AUTS2: variants seen among roughly 807,000 people sequenced by gnomAD.
AUTS2 encodes the protein activator of transcription and developmental regulator AUTS2.
AUTS2 carries 17 observed loss-of-function variants against 112.4 expected under a neutral mutation model. The observed-to-expected ratio is 0.15, with a 90% CI of 0.10 to 0.23. AUTS2 has a LOEUF of 0.23. AUTS2 is among the 10% of genes least tolerant of loss of function. The probability of loss-of-function intolerance (pLI) is 1.00; values close to 1 mark genes in which losing one functional copy is unlikely to be tolerated. For synonymous variants in AUTS2, 751 were observed against 702.7 expected (o/e 1.07, Z -1.09); for missense variants, 1,510 against 1,701.6 (o/e 0.89, Z 1.98).
rs3974587 is a variant in AUTS2 at position 70,511,561 on chromosome 7, C to CTTTTTTTTTTT, written c.690+75799_690+75809dup. On this transcript the variant is annotated intron_variant, in intron 5 of 18. Transcript: ENST00000342771. ...TTCATTTTAAACTTTTTTTCATTTT[C>CTTTTTTTTTTT]TTTTTTTTTTTTTTTTTTTTTTTTT... Among the ~76,000 whole-genome samples, 115 of 70,130 alleles carry CTTTTTTTTTTT rather than the reference C, an allele frequency of 1.6e-3. 4 individuals are homozygous for CTTTTTTTTTTT. Among genetic ancestry groups the CTTTTTTTTTTT allele is most frequent in the Non-Finnish European group, 2.1e-3 (83 of 39,296 alleles). 46.0% of individuals were successfully genotyped at this position (70,130 alleles called of 152,430 possible).
At chr7:69,682,479 C>T (rs1796842893) in intron 1 of AUTS2, among the ~76,000 whole-genome samples, 1 of 152,186 alleles carries the variant, frequency 6.6e-6, no homozygotes, top group Admixed American at 6.5e-5. Flanking sequence ...CATTTTCTAG[C>T]TGTGTAATCC....
At chr7:70,531,592 G>T (rs150438152) in intron 5 of AUTS2, among the ~76,000 whole-genome samples, 265 of 152,184 alleles carry the variant, frequency 1.7e-3, no homozygotes, top group African/African-American at 6.0e-3. Context: ...AAGGGCTTGG[G>T]GGTGGGGTTC....
intron 5 of AUTS2, among the ~76,000 whole-genome samples, chr7:70,647,194 CTG>C (rs1806217256): frequency 6.6e-6 from 1 of 152,220 alleles, no homozygotes. Flanking sequence ...AAACTCAAAT[CTG>C]TGCCCATTCC....
At chr7:69,791,018 C>G (rs1789586711) in intron 1 of AUTS2, among the ~76,000 whole-genome samples, 1 of 152,108 alleles carries the variant, frequency 6.6e-6, no homozygotes, top group Non-Finnish European at 1.5e-5. Flanking sequence ...TGAAACCTAC[C>G]CCAGTTTTCT....
intron 4 of AUTS2, among the ~76,000 whole-genome samples, chr7:70,277,948 GTATGTA>G (rs1226651753): frequency 4.2e-5 from 6 of 141,758 alleles, no homozygotes; most frequent in African/African-American, 1.1e-4. Context: ...GTGTGTGTGT[GTATGTA>G]TGTATGTGTG....
chr7:70,776,743 C>T (rs763975694), intron 13 of AUTS2: 5 of 348,616 alleles, frequency 1.4e-5, no homozygotes, highest in Non-Finnish European at 2.2e-5. Flanking sequence ...AGCATGGCAA[C>T]ATTTGTTAAG....
At chr7:69,786,590 A>C (rs1789387178) in intron 1 of AUTS2, among the ~76,000 whole-genome samples, 1 of 152,092 alleles carries the variant, frequency 6.6e-6, no homozygotes, top group Non-Finnish European at 1.5e-5. Context: ...GGTCCGTGCC[A>C]CCTTTAAGAG....
intron 5 of AUTS2, among the ~76,000 whole-genome samples, chr7:70,442,646 C>G (rs906298483): frequency 1.6e-4 from 24 of 152,034 alleles, no homozygotes; most frequent in African/African-American, 5.6e-4. Flanking sequence ...ACCCACCATG[C>G]CTGGCTAATT....
chr7:69,887,103 C>T (rs1443988247), intron 1 of AUTS2, among the ~76,000 whole-genome samples: 1 of 152,096 alleles, frequency 6.6e-6, no homozygotes, highest in Non-Finnish European at 1.5e-5. Flanking sequence ...AAAGCCAGAG[C>T]TAGACATACT....
chr7:70,380,629 C>G (rs991583400), intron 4 of AUTS2, among the ~76,000 whole-genome samples: 1 of 152,210 alleles, frequency 6.6e-6, no homozygotes, highest in African/African-American at 2.4e-5. Flanking sequence ...GAGAAACTGT[C>G]GAATCCAAAG....
At chr7:69,665,843 A>G (rs1406032871) in intron 1 of AUTS2, among the ~76,000 whole-genome samples, 1 of 152,176 alleles carries the variant, frequency 6.6e-6, no homozygotes, top group Non-Finnish European at 1.5e-5. Flanking sequence ...TTTATTGGGC[A>G]TGTTGCTATC....
chr7:69,604,247 A>G (rs1792591973), intron 1 of AUTS2, among the ~76,000 whole-genome samples: 1 of 152,222 alleles, frequency 6.6e-6, no homozygotes. Context: ...TACTTATAAC[A>G]TGCCATGTTA....
intron 4 of AUTS2, among the ~76,000 whole-genome samples, chr7:70,245,060 C>G (rs1361713314): frequency 7.0e-6 from 1 of 143,814 alleles, no homozygotes; most frequent in Non-Finnish European, 1.5e-5. Flanking sequence ...ATGAAGGTTG[C>G]AGTGAGCCAA....
intron 1 of AUTS2, among the ~76,000 whole-genome samples, chr7:69,805,663 T>C (rs11763186): frequency 0.36 from 54,266 of 152,036 alleles, 10,164 homozygotes; most frequent in African/African-American, 0.47. Flanking sequence ...GATCAGTTCT[T>C]CTGAGGCTGG....
intron 2 of AUTS2, among the ~76,000 whole-genome samples, chr7:70,117,117 G>GTTTTTTTT (rs60488343): frequency 2.7e-5 from 2 of 73,090 alleles, no homozygotes; most frequent in African/African-American, 5.8e-5. Context: ...TTTTTTTTTT[G>GTTTTTTTT]TTTTTTTTTG....
At chr7:70,090,780 G>A (rs1352782821) in intron 2 of AUTS2, among the ~76,000 whole-genome samples, 4 of 151,020 alleles carry the variant, frequency 2.6e-5, no homozygotes, top group Non-Finnish European at 1.5e-5. Flanking sequence ...TTGGGTTCAA[G>A]CAATTCTTCT....
intron 1 of AUTS2, among the ~76,000 whole-genome samples, chr7:69,758,768 T>G (rs1788044666): frequency 6.6e-6 from 1 of 152,206 alleles, no homozygotes. Context: ...AACCCTCTTC[T>G]GAGCAATCTT....
At chr7:70,750,676 A>G (rs776801312) in intron 6 of AUTS2, among the ~76,000 whole-genome samples, 2 of 152,240 alleles carry the variant, frequency 1.3e-5, no homozygotes, top group Non-Finnish European at 2.9e-5. Context: ...TGCTGGGATT[A>G]CAGGCGTGAG....
chr7:70,393,583 A>G (rs1562932050), intron 4 of AUTS2, among the ~76,000 whole-genome samples: 1 of 152,040 alleles, frequency 6.6e-6, no homozygotes, highest in Admixed American at 6.5e-5. Flanking sequence ...GCACCTGTTC[A>G]TTGATCTGGT....
Sources: allele counts gnomAD v4.1 joint callset (sites outside exome capture counted in the v4.1 genomes callset), GRCh38; gene constraint gnomAD v4.1.1; transcripts MANE v1.5; gene names NCBI Gene and HGNC (gene_info 2026-07-23, HGNC 2026-07-21).